ACOXL: variants seen among roughly 807,000 people sequenced by gnomAD.
The protein encoded by ACOXL is acyl-coenzyme A oxidase-like protein.
ACOXL carries 70 observed loss-of-function variants against 71.9 expected under a neutral mutation model. The ratio of observed to expected loss-of-function variants is 0.97; its 90% CI spans 0.80 to 1.19. The LOEUF is 1.19. Ranked by LOEUF, ACOXL falls within the 50% of genes most tolerant of loss-of-function variation. ACOXL has a pLI of 0.00. For synonymous variants in ACOXL, 253 were observed against 281.6 expected (o/e 0.90, Z 1.02); for missense variants, 703 against 736.3 (o/e 0.95, Z 0.52).
intron 2 of ACOXL, among the ~76,000 whole-genome samples, chr2:110,778,874 T>C (rs889256389): frequency 1.3e-5 from 2 of 152,170 alleles, no homozygotes; most frequent in African/African-American, 4.8e-5. Flanking sequence ...TAATTTCCAT[T>C]AAAATGAATG....
At chr2:110,816,077 A>T (rs1439394164) in intron 9 of ACOXL, among the ~76,000 whole-genome samples, 1 of 152,076 alleles carries the variant, frequency 6.6e-6, no homozygotes, top group East Asian at 1.9e-4. Context: ...GAATAGATGG[A>T]TGAATGGATA....
chr2:110,780,838 A>G (rs1011015558), intron 2 of ACOXL, among the ~76,000 whole-genome samples: 2 of 151,974 alleles, frequency 1.3e-5, no homozygotes, highest in Non-Finnish European at 2.9e-5. Context: ...GTTTAAGACC[A>G]TCCTGGGCAA....
At chr2:111,079,070 A>G (rs1426968596) in intron 16 of ACOXL, among the ~76,000 whole-genome samples, 2 of 152,106 alleles carry the variant, frequency 1.3e-5, no homozygotes, top group Non-Finnish European at 2.9e-5. Flanking sequence ...CTGTACATGT[A>G]TTTGTTTACT....
chr2:110,929,282 G>A (rs2060394185), intron 11 of ACOXL, among the ~76,000 whole-genome samples: 1 of 152,204 alleles, frequency 6.6e-6, no homozygotes, highest in African/African-American at 2.4e-5. Context: ...GGGAACTGGA[G>A]TGAAGGTGAC....
intron 3 of ACOXL, among the ~76,000 whole-genome samples, chr2:110,786,421 T>C (rs1683970775): frequency 6.6e-6 from 1 of 152,148 alleles, no homozygotes; most frequent in Non-Finnish European, 1.5e-5. Context: ...CCAGGCACGA[T>C]CTCTTCCCTC....
Position 110,991,693 on chromosome 2 carries a change from C to CT in ACOXL, c.1170-4193dup, listed in dbSNP as rs1189754346. 5.3e-5 allele frequency among the ~76,000 whole-genome samples: 8 copies of CT among 151,502 alleles called. No individual in the cohort carries two copies. In the South Asian group the frequency reaches 1.5e-3, roughly 28 times the overall value. On this transcript the variant is annotated intron_variant, in intron 13 of 17. Transcript: ENST00000439055. The stretch of plus-strand genomic sequence containing the variant: ...AATCTGTTATCTGTCTTTTTTTTTC[C>CT]TTTTTTTATTGCTGCTCAGGACCCT...
rs117618699 is a variant in ACOXL, at chr2:110,883,372, A to G, written c.789-25417A>G. ...CAATCCACCCGCCTCAGCATCCCAA[A>G]GTACTGGGAATACAGGCATGAGCCA... is the stretch of plus-strand genomic sequence containing the variant. On this transcript the variant is annotated intron_variant, in intron 10 of 17. Transcript: ENST00000439055. Among the ~76,000 whole-genome samples, 54 of 152,190 alleles carry G rather than the reference A, an allele frequency of 3.5e-4. No homozygotes were observed. The East Asian group carries it at 5.4e-3, about 15-fold the overall frequency.
intron 9 of ACOXL, among the ~76,000 whole-genome samples, chr2:110,817,998 A>T (rs2105479681): frequency 7.1e-6 from 1 of 139,876 alleles, no homozygotes; most frequent in Non-Finnish European, 1.5e-5. Context: ...CAGCCAAATT[A>T]TACCTTTTAC....
intron 9 of ACOXL, among the ~76,000 whole-genome samples, chr2:110,814,775 A>G (rs566001524): frequency 3.3e-5 from 5 of 152,354 alleles, no homozygotes; most frequent in Admixed American, 3.3e-4. Flanking sequence ...GAACAACAAT[A>G]TTCCTAGCAT....
intron 11 of ACOXL, among the ~76,000 whole-genome samples, chr2:110,915,231 A>G (rs534914692): frequency 5.3e-5 from 8 of 151,152 alleles, no homozygotes; most frequent in African/African-American, 1.9e-4. Flanking sequence ...CTCTATTTAG[A>G]TAGTCATGTG....
At chr2:111,082,014 T>C (rs1253526097) in intron 16 of ACOXL, among the ~76,000 whole-genome samples, 1 of 152,140 alleles carries the variant, frequency 6.6e-6, no homozygotes, top group East Asian at 1.9e-4. Context: ...TATACAAAAA[T>C]TAACTCAAGA....
chr2:110,911,880 A>G (rs1009248435), intron 11 of ACOXL, among the ~76,000 whole-genome samples: 1 of 152,102 alleles, frequency 6.6e-6, no homozygotes, highest in African/African-American at 2.4e-5. Context: ...GGCAAGGAAA[A>G]TAATAAAAGT....
chr2:110,871,680 A>G (rs562051825), intron 10 of ACOXL, among the ~76,000 whole-genome samples: 1 of 152,262 alleles, frequency 6.6e-6, no homozygotes, highest in Admixed American at 6.5e-5. Flanking sequence ...GAAAAGCAGC[A>G]TCTCTGCCTC....
chr2:110,983,344 G>A (rs1283190420), intron 12 of ACOXL, among the ~76,000 whole-genome samples: 3 of 152,222 alleles, frequency 2.0e-5, no homozygotes, highest in African/African-American at 7.2e-5. Flanking sequence ...GTTGCATGAT[G>A]TATATGATAT....
chr2:110,828,470 A>G (rs1402373587), intron 9 of ACOXL, among the ~76,000 whole-genome samples: 1 of 152,228 alleles, frequency 6.6e-6, no homozygotes, highest in Non-Finnish European at 1.5e-5. Flanking sequence ...TGTAATGCCA[A>G]CAATAGTCTG....
At chr2:110,797,645 G>A (rs1381998201) in intron 5 of ACOXL, among the ~76,000 whole-genome samples, 1 of 152,170 alleles carries the variant, frequency 6.6e-6, no homozygotes, top group Non-Finnish European at 1.5e-5. Flanking sequence ...TTCAGGGCCT[G>A]GGAAACAGCG....
intron 12 of ACOXL, among the ~76,000 whole-genome samples, chr2:110,942,788 C>A (rs987646597): frequency 6.7e-6 from 1 of 149,904 alleles, no homozygotes; most frequent in Non-Finnish European, 1.5e-5. Flanking sequence ...GAGGCTGAGG[C>A]ATAAGAATTA....
At chr2:111,044,490 G>A (rs548712022) in intron 15 of ACOXL, among the ~76,000 whole-genome samples, 17 of 152,320 alleles carry the variant, frequency 1.1e-4, no homozygotes, top group African/African-American at 3.1e-4. Context: ...GGGCCCTGGC[G>A]CAAAGATTGC....
At chr2:110,827,296 G>C (rs185356578) in intron 9 of ACOXL, among the ~76,000 whole-genome samples, 71 of 152,290 alleles carry the variant, frequency 4.7e-4, no homozygotes, top group African/African-American at 1.7e-3. Flanking sequence ...TGGGGCATGG[G>C]CTCTCCCGGG....
Sources: gnomAD v4.1 joint callset for allele counts (sites outside exome capture counted in the v4.1 genomes callset) on GRCh38, gnomAD v4.1.1 for gene constraint, MANE v1.5 for transcripts, NCBI Gene and HGNC (gene_info 2026-07-23, HGNC 2026-07-21) for gene names.